The following DIPK2A variants were observed in gnomAD, a reference collection of about 807,000 sequenced individuals.
DIPK2A encodes the protein Golgi Protein of 49 kDa.
In DIPK2A, 27 loss-of-function variants were observed where a neutral mutation model predicts 39.0. The observed-to-expected ratio is 0.69, with a 90% CI of 0.51 to 0.96. The LOEUF is 0.96. Among genes scored for constraint, DIPK2A ranks in the 40% least tolerant of loss-of-function variants. The pLI, the probability that DIPK2A is intolerant of heterozygous loss-of-function variation, is 0.00. For synonymous variants in DIPK2A, 298 were observed against 240.8 expected, an observed-to-expected ratio of 1.24 and a Z score of -2.20; for missense variants, 528 against 571.3, an observed-to-expected ratio of 0.92 and a Z score of 0.77.
At chr3:143,982,074 G>A (rs531458190) in intron 1 of DIPK2A, among the ~76,000 whole-genome samples, 1 of 152,108 alleles carries the variant, frequency 6.6e-6, no homozygotes, top group African/African-American at 2.4e-5. Flanking sequence ...CTGTGTTTTT[G>A]TGTGTACACG....
rs575780216 is a variant in DIPK2A at position 143,974,529 on chromosome 3, A to G, written c.657+1540A>G. On this transcript the variant is annotated intron_variant, in intron 1 of 2. Coordinates refer to ENST00000315691, the MANE Select transcript of DIPK2A (RefSeq NM_173552.5). ...TTGAACTGAAGTTTCTCATTAAGCT[A>G]TCTTTAAAAGAGAACCTTGTTTGTA... 6.6e-5 allele frequency among the ~76,000 whole-genome samples: 10 copies of G among 152,330 alleles called. No individual in the cohort carries two copies. The South Asian group carries it at 1.0e-3, about 16-fold the overall frequency.
At chr3:143,978,891 C>T (rs1317993245) in intron 1 of DIPK2A, among the ~76,000 whole-genome samples, 3 of 151,502 alleles carry the variant, frequency 2.0e-5, no homozygotes, top group Non-Finnish European at 2.9e-5. Flanking sequence ...GAGCAAGTCA[C>T]TTAATGTTTC....
chr3:143,973,504 A>C, intron 1 of DIPK2A: 1 of 1,551,494 alleles, frequency 6.4e-7, no homozygotes, highest in Non-Finnish European at 8.7e-7. Context: ...AGTCATTTGG[A>C]CACCTAATTC....
chr3:143,973,994 T>C (rs1214248713), intron 1 of DIPK2A, among the ~76,000 whole-genome samples: 3 of 152,156 alleles, frequency 2.0e-5, no homozygotes, highest in African/African-American at 7.2e-5. Context: ...TCTCCTTCTG[T>C]CTGCAGGAAA....
chr3:143,975,022 G>A (rs1461929477), intron 1 of DIPK2A, among the ~76,000 whole-genome samples: 2 of 152,022 alleles, frequency 1.3e-5, no homozygotes, highest in Non-Finnish European at 2.9e-5. Context: ...TGATGAAACA[G>A]CCTTTTTTGA....
rs576457993 is a variant in DIPK2A, at chr3:143,990,129, T to C, written c.*288T>C. Reference sequence around the variant, plus strand: ...TGGATTAATGAATATTGTTAAGCTATTGGAAATGAGTCTGATAGTACATTG... The same window carrying C: ...TGGATTAATGAATATTGTTAAGCTACTGGAAATGAGTCTGATAGTACATTG... On this transcript the variant is annotated 3_prime_UTR_variant, in exon 3 of 3. Coordinates refer to ENST00000315691, the MANE Select transcript of DIPK2A (RefSeq NM_173552.5). 3.1e-6 allele frequency: 1 copy of C among 322,550 alleles called. No individual in the cohort carries two copies. Among genetic ancestry groups the C allele is most frequent in the South Asian group, 5.2e-5 (1 of 19,108 alleles). 20.0% of individuals were successfully genotyped at this position (322,550 alleles called of 1,614,324 possible).
At chr3:143,987,507 C>G (rs1025068318) in intron 2 of DIPK2A, among the ~76,000 whole-genome samples, 7 of 152,202 alleles carry the variant, frequency 4.6e-5, no homozygotes, top group Non-Finnish European at 1.0e-4. Context: ...TTCATTTACT[C>G]TCTTTTCTTT....
At chr3:143,980,421 CCACGCCTGGCTAATTTTT>C (rs2087810431) in intron 1 of DIPK2A, among the ~76,000 whole-genome samples, 1 of 152,066 alleles carries the variant, frequency 6.6e-6, no homozygotes, top group Admixed American at 6.6e-5. Flanking sequence ...GTGCTCACCA[CCACGCCTGGCTAATTTTT>C]GTGTTTTTAG....
At position 143,991,682 on chromosome 3, in the gene DIPK2A, T is replaced by G. The variant is rs1275804430; in HGVS notation, c.*1841T>G. 6.6e-6 allele frequency: 1 copy of G among 152,610 alleles called. No individual in the cohort carries two copies. The highest frequency in any genetic ancestry group is 1.9e-4 in the East Asian group (1 of 5,192). The allele number at this position is 152,610 out of a possible 1,614,324, so 9.5% of individuals were successfully genotyped here. On this transcript the variant is annotated 3_prime_UTR_variant, in exon 3 of 3. Coordinates refer to ENST00000315691, the MANE Select transcript of DIPK2A (RefSeq NM_173552.5). The stretch of plus-strand genomic sequence containing the variant: ...CAATGAAGCATTTAAGTGCTTGGAA[T>G]TTTACTAAACTGACTTTTTTGCAAC...
At chr3:143,977,877 G>A (rs528773968) in intron 1 of DIPK2A, among the ~76,000 whole-genome samples, 6 of 152,146 alleles carry the variant, frequency 3.9e-5, no homozygotes, top group East Asian at 1.9e-4. Flanking sequence ...ACAGACAATC[G>A]CCCTTAAGAA....
rs771642352 is a variant in DIPK2A at position 143,972,593 on chromosome 3, C to G, written c.261C>G (p.Asn87Lys). 1 of 1,612,060 alleles carries G rather than the reference C, an allele frequency of 6.2e-7. No homozygotes were observed. The highest frequency in any genetic ancestry group is 8.5e-7 in the Non-Finnish European group (1 of 1,179,700). ...GCTTGCGCCTGCTGGACTTCCTCAA[C>G]GTGAAGAACGTGTACTTCGCGCAGT... is the stretch of plus-strand genomic sequence containing the variant. ...WGRLRLLDFL[N>K]VKNVYFAQYG... The change falls in exon 1 of 3, where the codon AAC (asparagine) becomes AAG (lysine). Residue 87 changes from asparagine to lysine, a missense_variant. Around this residue, in one of 2 missense-constraint regions of DIPK2A, gnomAD observed 309 missense variants for 289.8 expected, o/e 1.07. Coordinates refer to ENST00000315691, the MANE Select transcript of DIPK2A (RefSeq NM_173552.5).
intron 1 of DIPK2A, among the ~76,000 whole-genome samples, chr3:143,981,058 C>T (rs1470193310): frequency 6.6e-6 from 1 of 152,134 alleles, no homozygotes; most frequent in South Asian, 2.1e-4. Flanking sequence ...TATCTTTACT[C>T]ATATATTCCA....
At chr3:143,976,429 T>C (rs964711108) in intron 1 of DIPK2A, among the ~76,000 whole-genome samples, 1 of 152,046 alleles carries the variant, frequency 6.6e-6, no homozygotes, top group Non-Finnish European at 1.5e-5. Context: ...TCTTGAAGTA[T>C]TCAAAAATTG....
intron 1 of DIPK2A, among the ~76,000 whole-genome samples, chr3:143,974,044 C>G (rs1030324973): frequency 1.3e-5 from 2 of 151,962 alleles, no homozygotes; most frequent in African/African-American, 4.8e-5. Context: ...AAAAAAATGA[C>G]TTAAAAGTTC....
rs368423626 is a variant in DIPK2A, at chr3:143,987,214, C to T, written c.961+1368C>T. On this transcript the variant is annotated intron_variant, in intron 2 of 2. Transcript: ENST00000315691. ...TATTCTTTCTTTTTTAAAGTGTACACAAGCAGGTGGTTTTTAGTATATTCA... is the reference window on the plus strand; with the variant it reads ...TATTCTTTCTTTTTTAAAGTGTACATAAGCAGGTGGTTTTTAGTATATTCA... 3.3e-5 allele frequency among the ~76,000 whole-genome samples: 5 copies of T among 152,238 alleles called. No homozygotes were observed. In the East Asian group the frequency reaches 9.6e-4, roughly 29 times the overall value.
intron 2 of DIPK2A, among the ~76,000 whole-genome samples, chr3:143,986,744 AAATT>A (rs2087907760): frequency 6.6e-6 from 1 of 151,622 alleles, no homozygotes; most frequent in East Asian, 1.9e-4. Context: ...AAAAAAAAGA[AAATT>A]AAAGAAAATT....
intron 1 of DIPK2A, among the ~76,000 whole-genome samples, chr3:143,978,137 T>A (rs1471050533): frequency 6.6e-6 from 1 of 152,116 alleles, no homozygotes; most frequent in African/African-American, 2.4e-5. Context: ...GACTGGTTTT[T>A]ATTCTGTTTT....
chr3:143,976,531 A>AGTGTGTGTGTGT (rs34741607), intron 1 of DIPK2A, among the ~76,000 whole-genome samples: 2 of 142,634 alleles, frequency 1.4e-5, no homozygotes, highest in African/African-American at 5.4e-5. Flanking sequence ...AGAAAGGGAG[A>AGTGTGTGTGTGT]GTGTGTGTGT....
At position 143,985,847 on chromosome 3, in the gene DIPK2A, G is replaced by A; in HGVS notation, c.961+1G>A. ...GCTGACAAAAGATTAATTAGACAAA[G>A]TAAGTATATAATTTTAGATTTTTTT... On this transcript the variant is annotated splice_donor_variant, in intron 2 of 2. Transcript: ENST00000315691. LOFTEE classifies it high-confidence loss of function. 6.2e-7 allele frequency: 1 copy of A among 1,600,970 alleles called. No homozygotes were observed.
Sources: gnomAD v4.1 joint callset for allele counts (sites outside exome capture counted in the v4.1 genomes callset) on GRCh38, gnomAD v4.1.1 for gene constraint, gnomAD v4.1.1 regional missense constraint, MANE v1.5 for transcripts, NCBI Gene and HGNC (gene_info 2026-07-23, HGNC 2026-07-21) for gene names.